PDE1C: variants seen among roughly 807,000 people sequenced by gnomAD.
PDE1C encodes phosphodiesterase 1C.
A neutral mutation model predicts 93.1 loss-of-function variants in PDE1C; 62 were observed. That is an observed-to-expected ratio of 0.67 (90% confidence interval 0.54 to 0.82). PDE1C has a LOEUF of 0.82. Among genes scored for constraint, PDE1C ranks in the 40% least tolerant of loss-of-function variants. PDE1C has a pLI of 0.00. For synonymous variants in PDE1C, 325 were observed against 310.1 expected (o/e 1.05, Z -0.50); for missense variants, 742 against 884.6 (o/e 0.84, Z 2.04).
intron 2 of PDE1C, among the ~76,000 whole-genome samples, chr7:32,178,333 A>G (rs1803147939): frequency 6.6e-6 from 1 of 152,188 alleles, no homozygotes; most frequent in Non-Finnish European, 1.5e-5. Flanking sequence ...AGAGAGTGGA[A>G]AAGAACCCTT....
At chr7:32,084,151 A>G (rs1055095733) in intron 3 of PDE1C, among the ~76,000 whole-genome samples, 93 of 152,230 alleles carry the variant, frequency 6.1e-4, no homozygotes, top group Non-Finnish European at 9.6e-4. Flanking sequence ...AAAAGGATGG[A>G]GGAAGATCTA....
intron 1 of PDE1C, among the ~76,000 whole-genome samples, chr7:32,272,971 T>A (rs1209290776): frequency 6.6e-6 from 1 of 152,214 alleles, no homozygotes; most frequent in Non-Finnish European, 1.5e-5. Context: ...GCATCTACCA[T>A]ATGCTTAGTT....
At chr7:32,186,004 C>T (rs74867134) in intron 2 of PDE1C, among the ~76,000 whole-genome samples, 25 of 151,572 alleles carry the variant, frequency 1.6e-4, no homozygotes, top group African/African-American at 5.8e-4. Context: ...ATTTCTAATT[C>T]GTCTTTGCTT....
the PDE1C span, among the ~76,000 whole-genome samples, chr7:31,653,988 T>C: frequency 0.014 from 2,044 of 146,224 alleles, 30 homozygotes; most frequent in Non-Finnish European, 0.021. Context: ...ATTCTAGTGC[T>C]GGAGACAGCC....
chr7:32,166,557 A>T (rs1385986451), intron 3 of PDE1C, among the ~76,000 whole-genome samples: 1 of 152,188 alleles, frequency 6.6e-6, no homozygotes, highest in African/African-American at 2.4e-5. Flanking sequence ...ACTGTCAGGG[A>T]CCATATCCAG....
chr7:32,180,611 C>A (rs2128811776), intron 2 of PDE1C, among the ~76,000 whole-genome samples: 1 of 152,238 alleles, frequency 6.6e-6, no homozygotes, highest in African/African-American at 2.4e-5. Context: ...TCTGCCAGCA[C>A]CTTGATCTTG....
At chr7:32,304,135 A>C (rs1812941953), upstream of PDE1C, among the ~76,000 whole-genome samples, 1 of 152,142 alleles carries the variant, frequency 6.6e-6, no homozygotes, top group Non-Finnish European at 1.5e-5. Flanking sequence ...GGTATCTGCT[A>C]ATCTCCCGGG....
intron 1 of PDE1C, among the ~76,000 whole-genome samples, chr7:32,390,777 TG>T (rs1212131622): frequency 6.6e-6 from 1 of 151,956 alleles, no homozygotes; most frequent in African/African-American, 2.4e-5. Flanking sequence ...TGCTTGAGCC[TG>T]GGAGGTCGAG....
chr7:31,629,207 T>A, the PDE1C span, among the ~76,000 whole-genome samples: 1 of 152,226 alleles, frequency 6.6e-6, no homozygotes, highest in African/African-American at 2.4e-5. Flanking sequence ...CAAAATCGGA[T>A]CTGCCCTCCT....
At chr7:31,888,892 T>C (rs1399505929) in intron 2 of PDE1C, among the ~76,000 whole-genome samples, 1 of 152,038 alleles carries the variant, frequency 6.6e-6, no homozygotes. Context: ...AATAAACAAT[T>C]AGAAAATGGT....
At chr7:32,022,899 T>C (rs1788877506) in intron 2 of PDE1C, among the ~76,000 whole-genome samples, 1 of 152,050 alleles carries the variant, frequency 6.6e-6, no homozygotes, top group Admixed American at 6.6e-5. Flanking sequence ...AAATAGTTTG[T>C]TACTTTCCTA....
intron 1 of PDE1C, among the ~76,000 whole-genome samples, chr7:32,389,157 C>CGTGTGTGT (rs575896243): frequency 0.28 from 37,960 of 135,408 alleles, 5,703 homozygotes; most frequent in East Asian, 0.56. Context: ...TGATAGCTGA[C>CGTGTGTGT]GTGTGTGTGT....
chr7:32,409,353 C>T (rs962477749), intron 1 of PDE1C, among the ~76,000 whole-genome samples: 5 of 151,860 alleles, frequency 3.3e-5, no homozygotes, highest in Admixed American at 3.3e-4. Context: ...AGACAGAGAC[C>T]CTGTCTCAGA....
chr7:32,368,698 A>T (rs1008988385), intron 1 of PDE1C, among the ~76,000 whole-genome samples: 1 of 152,190 alleles, frequency 6.6e-6, no homozygotes, highest in Non-Finnish European at 1.5e-5. Context: ...TAGCCAAAGC[A>T]ATCCTAAGCA....
the PDE1C span, among the ~76,000 whole-genome samples, chr7:31,627,653 C>T: frequency 1.6e-5 from 1 of 61,462 alleles, no homozygotes; most frequent in Non-Finnish European, 2.7e-5. Context: ...GAGCAAGACA[C>T]TGTCTCAAAA....
intron 1 of PDE1C, 152 bp downstream of exon 1, chr7:32,070,141 G>T: frequency 7.6e-7 from 1 of 1,314,440 alleles, no homozygotes. Context: ...AAGTAGCAGT[G>T]ACTGTAATTA....
chr7:31,697,103 C>T, the PDE1C span: 5 of 1,613,966 alleles, frequency 3.1e-6, no homozygotes, highest in Non-Finnish European at 4.2e-6. Flanking sequence ...CTGCACATGT[C>T]CCCCTTTGCA....
intron 8 of PDE1C, among the ~76,000 whole-genome samples, chr7:31,850,246 T>C (rs73306505): frequency 1.4e-4 from 21 of 152,274 alleles, no homozygotes; most frequent in African/African-American, 4.8e-4. Context: ...GATTGGTCAA[T>C]GTTGTTAATG....
chr7:31,962,944 G>A (rs1268313828), intron 2 of PDE1C, among the ~76,000 whole-genome samples: 1 of 152,174 alleles, frequency 6.6e-6, no homozygotes, highest in Non-Finnish European at 1.5e-5. Flanking sequence ...TACCTAGCCT[G>A]TGACCAGGTC....
Sources: allele counts gnomAD v4.1 joint callset (sites outside exome capture counted in the v4.1 genomes callset), GRCh38; gene constraint gnomAD v4.1.1; transcripts MANE v1.5; gene names NCBI Gene and HGNC (gene_info 2026-07-23, HGNC 2026-07-21).